OSBP2: variants seen among roughly 807,000 people sequenced by gnomAD.
OSBP2 encodes oxysterol-binding protein 2.
OSBP2 carries 66 observed loss-of-function variants against 96.0 expected under a neutral mutation model. The ratio of observed to expected loss-of-function variants is 0.69; its 90% CI spans 0.56 to 0.84. OSBP2 has a LOEUF of 0.84. Ranked by LOEUF, OSBP2 falls within the 40% of genes least tolerant of loss-of-function variation. The probability of loss-of-function intolerance (pLI) is 0.00; values close to 1 mark genes in which losing one functional copy is unlikely to be tolerated. For missense variants in OSBP2, 1,038 were observed against 1,222.7 expected, an observed-to-expected ratio of 0.85 and a Z score of 2.25; for synonymous variants, 525 against 520.9, an observed-to-expected ratio of 1.01 and a Z score of -0.11.
intron 8 of OSBP2, among the ~76,000 whole-genome samples, chr22:30,891,937 G>A (rs1044764739): frequency 5.9e-5 from 9 of 152,184 alleles, no homozygotes; most frequent in African/African-American, 2.2e-4. Context: ...CTTTTAGAAA[G>A]GGGGTGGTCA....
intron 2 of OSBP2, among the ~76,000 whole-genome samples, chr22:30,753,785 AC>A (rs1196266459): frequency 6.6e-6 from 1 of 152,184 alleles, no homozygotes; most frequent in Non-Finnish European, 1.5e-5. Flanking sequence ...TTTGCCTGCA[AC>A]CCTTCAGGGG....
chr22:30,732,846 G>A (rs751202250), intron 1 of OSBP2, among the ~76,000 whole-genome samples: 48 of 152,150 alleles, frequency 3.2e-4, no homozygotes, highest in Non-Finnish European at 3.4e-4. Flanking sequence ...TGTCAGGCTC[G>A]CTGCCCCCTA....
At chr22:30,743,682 T>TATAA (rs1176320460) in intron 2 of OSBP2, among the ~76,000 whole-genome samples, 3 of 152,120 alleles carry the variant, frequency 2.0e-5, no homozygotes, top group East Asian at 3.8e-4. Context: ...CTTTTCTAAG[T>TATAA]ATAAATAAAT....
chr22:30,897,874 T>C (rs1458282148), intron 12 of OSBP2, among the ~76,000 whole-genome samples: 1 of 149,764 alleles, frequency 6.7e-6, no homozygotes, highest in Non-Finnish European at 1.5e-5. Flanking sequence ...CGCTTGAACC[T>C]GGAAGGCAGA....
intron 1 of OSBP2, among the ~76,000 whole-genome samples, chr22:30,721,614 G>T (rs1336956541): frequency 6.6e-6 from 1 of 152,214 alleles, no homozygotes; most frequent in East Asian, 1.9e-4. Context: ...GAAGCTTGAT[G>T]GGAGTCGCTT....
intron 12 of OSBP2, among the ~76,000 whole-genome samples, chr22:30,904,762 G>C (rs1253976821): frequency 6.6e-6 from 1 of 152,134 alleles, no homozygotes; most frequent in Non-Finnish European, 1.5e-5. Flanking sequence ...GGGCCATAAA[G>C]CAAATTTCAA....
chr22:30,820,881 C>T (rs1488966397), intron 2 of OSBP2, among the ~76,000 whole-genome samples: 1 of 152,200 alleles, frequency 6.6e-6, no homozygotes, highest in Non-Finnish European at 1.5e-5. Flanking sequence ...GAAAGAAGTA[C>T]TCAGTTGCCT....
chr22:30,698,449 T>C (rs2089092269), intron 1 of OSBP2, among the ~76,000 whole-genome samples: 1 of 151,600 alleles, frequency 6.6e-6, no homozygotes. Flanking sequence ...TTTTCTTTTT[T>C]TTTTTTTTGA....
At chr22:30,844,309 C>T (rs2038822608) in intron 2 of OSBP2, among the ~76,000 whole-genome samples, 1 of 152,018 alleles carries the variant, frequency 6.6e-6, no homozygotes, top group Non-Finnish European at 1.5e-5. Flanking sequence ...TTGACTTCTC[C>T]TCTGTAGCTA....
chr22:30,858,545 T>C (rs968300999), intron 2 of OSBP2, among the ~76,000 whole-genome samples: 47 of 151,784 alleles, frequency 3.1e-4, no homozygotes, highest in African/African-American at 1.1e-3. Flanking sequence ...ACCCTAATCC[T>C]CTTCATGGCA....
chr22:30,743,338 C>T (rs2089963282), intron 2 of OSBP2, among the ~76,000 whole-genome samples: 1 of 152,202 alleles, frequency 6.6e-6, no homozygotes, highest in African/African-American at 2.4e-5. Context: ...CTGGCTTTCT[C>T]TTTTGTCTCA....
At chr22:30,751,267 G>T (rs1224593905) in intron 2 of OSBP2, among the ~76,000 whole-genome samples, 1 of 152,070 alleles carries the variant, frequency 6.6e-6, no homozygotes, top group East Asian at 1.9e-4. Context: ...TGTGCCAGGG[G>T]CCATGGTCAC....
chr22:30,877,724 T>G (rs1375455142), intron 3 of OSBP2, among the ~76,000 whole-genome samples: 1 of 152,240 alleles, frequency 6.6e-6, no homozygotes. Flanking sequence ...TTGTTCCTGC[T>G]GCTGTCCCTC....
intron 2 of OSBP2, among the ~76,000 whole-genome samples, chr22:30,833,922 C>G (rs1374183335): frequency 1.3e-5 from 2 of 152,086 alleles, no homozygotes; most frequent in African/African-American, 4.8e-5. Context: ...TGCAAAATTT[C>G]AAACAGAAAA....
intron 1 of OSBP2, among the ~76,000 whole-genome samples, chr22:30,718,904 G>A (rs2089502810): frequency 6.6e-6 from 1 of 152,168 alleles, no homozygotes; most frequent in Admixed American, 6.5e-5. Context: ...TTTTTGCTGA[G>A]TTGTTCATGC....
chr22:30,878,831 G>A (rs1176981069), intron 3 of OSBP2, among the ~76,000 whole-genome samples: 2 of 152,170 alleles, frequency 1.3e-5, no homozygotes, highest in Non-Finnish European at 2.9e-5. Flanking sequence ...GGGGAGGAAG[G>A]GCACCCGGCA....
In OSBP2 at chr22:30,905,134, CTTTTTTTTTTT is replaced by C. The variant is rs566334052; in HGVS notation, c.2376-683_2376-673del. 5.5e-4 allele frequency among the ~76,000 whole-genome samples: 38 copies of C among 68,734 alleles called. No homozygotes were observed. The South Asian group carries it at 0.02, about 36-fold the overall frequency. 45.1% of individuals were successfully genotyped at this position (68,734 alleles called of 152,430 possible). On this transcript the variant is annotated intron_variant, in intron 12 of 13. Transcript: ENST00000332585. Reference sequence around the variant, plus strand: ...GCCTGGGCCACAGAGCGAGACCCGTCTTTTTTTTTTTTTTTTTTTTTTTTTTTTTTAGACGG... The same window carrying C: ...GCCTGGGCCACAGAGCGAGACCCGTCTTTTTTTTTTTTTTTTTTTAGACGG...
chr22:30,754,959 C>T (rs1266033763), intron 2 of OSBP2, among the ~76,000 whole-genome samples: 3 of 152,180 alleles, frequency 2.0e-5, no homozygotes, highest in East Asian at 3.9e-4. Context: ...ATAAAAACTC[C>T]CCGTCCTTGA....
intron 1 of OSBP2, among the ~76,000 whole-genome samples, chr22:30,732,671 G>A (rs549709278): frequency 1.3e-5 from 2 of 152,230 alleles, no homozygotes; most frequent in African/African-American, 2.4e-5. Context: ...GCAACCATGC[G>A]TGATGGTGAG....
Sources: gnomAD v4.1 joint callset for allele counts (sites outside exome capture counted in the v4.1 genomes callset) on GRCh38, gnomAD v4.1.1 for gene constraint, MANE v1.5 for transcripts, NCBI Gene and HGNC (gene_info 2026-07-23, HGNC 2026-07-21) for gene names.